CEP162: variants seen among roughly 807,000 people sequenced by gnomAD.
CEP162 encodes centrosomal protein 162, also known as centrosomal protein of 162 kDa.
In CEP162, 141 loss-of-function variants were observed where a neutral mutation model predicts 169.2. The observed-to-expected ratio is 0.83, with a 90% confidence interval of 0.73 to 0.96. The LOEUF is 0.96. CEP162 is among the 40% of genes least tolerant of loss of function. The probability of loss-of-function intolerance (pLI) is 0.00; values close to 1 mark genes in which losing one functional copy is unlikely to be tolerated. For synonymous variants in CEP162, 540 were observed against 526.4 expected (o/e 1.03, Z -0.35); for missense variants, 1,600 against 1,587.2 (o/e 1.01, Z -0.14).
chr6:84,170,984 G>GT (rs2099529890), intron 17 of CEP162, among the ~76,000 whole-genome samples: 1 of 152,176 alleles, frequency 6.6e-6, no homozygotes, highest in Non-Finnish European at 1.5e-5. Flanking sequence ...ACTCCGGCCA[G>GT]TGACTAAGGC....
intron 24 of CEP162, among the ~76,000 whole-genome samples, chr6:84,147,011 G>A (rs1024927034): frequency 1.3e-5 from 2 of 152,210 alleles, no homozygotes; most frequent in South Asian, 4.1e-4. Context: ...CAAAGGAAAA[G>A]AAATTTGTAT....
intron 17 of CEP162, among the ~76,000 whole-genome samples, chr6:84,170,243 G>A (rs922861210): frequency 6.6e-6 from 1 of 151,602 alleles, no homozygotes; most frequent in African/African-American, 2.4e-5. Flanking sequence ...GCATGGTGGC[G>A]GGTGCCTGTA....
chr6:84,216,353 G>T (rs910726681), intron 3 of CEP162, among the ~76,000 whole-genome samples: 2 of 152,038 alleles, frequency 1.3e-5, no homozygotes, highest in African/African-American at 4.8e-5. Flanking sequence ...GGCAAAGTAG[G>T]TACAATTAAA....
intron 1 of CEP162, among the ~76,000 whole-genome samples, chr6:84,227,204 T>G (rs2099556074): frequency 6.6e-6 from 1 of 152,086 alleles, no homozygotes; most frequent in Non-Finnish European, 1.5e-5. Flanking sequence ...GCAGCTCAAA[T>G]CCCAGCTTTC....
At chr6:84,201,139 G>A (rs1273292665) in intron 8 of CEP162, among the ~76,000 whole-genome samples, 3 of 152,262 alleles carry the variant, frequency 2.0e-5, no homozygotes, top group East Asian at 1.9e-4. Context: ...TTAGCCAGGC[G>A]TGGTGGCAGG....
At chr6:84,208,047 G>A (rs2099548001) in intron 6 of CEP162, among the ~76,000 whole-genome samples, 1 of 140,254 alleles carries the variant, frequency 7.1e-6, no homozygotes. Context: ...TGTCTCTACA[G>A]GTATCTCTAC....
At chr6:84,128,158 C>A (rs1351453332) in intron 25 of CEP162, among the ~76,000 whole-genome samples, 1 of 152,142 alleles carries the variant, frequency 6.6e-6, no homozygotes, top group Non-Finnish European at 1.5e-5. Flanking sequence ...ATTAATTAGT[C>A]CATTCACCTT....
chr6:84,173,669 G>T (rs1293103195), intron 16 of CEP162, among the ~76,000 whole-genome samples: 2 of 150,268 alleles, frequency 1.3e-5, no homozygotes, highest in African/African-American at 2.5e-5. Flanking sequence ...AATAAGCAGA[G>T]AAGTATTTTA....
At chr6:84,126,581 A>C in intron 25 of CEP162, 69 bp from the exon 26 acceptor site, 2 of 1,160,538 alleles carry the variant, frequency 1.7e-6, no homozygotes, top group Non-Finnish European at 2.4e-6. Context: ...CTTGAAAATC[A>C]GAATATTTGT....
chr6:84,199,140 G>A (rs2099543368), intron 9 of CEP162, among the ~76,000 whole-genome samples: 1 of 152,152 alleles, frequency 6.6e-6, no homozygotes, highest in Non-Finnish European at 1.5e-5. Context: ...TCTGCCTACT[G>A]AAAACTGTGC....
In CEP162 at chr6:84,215,604, A is replaced by G. The variant is rs1424875955; in HGVS notation, c.320-139T>C. ...ACTCTCACTCACCAAATATGAATTC[A>G]TATTAATAATACGTAAGGTTTAAAG... On this transcript the variant is annotated intron_variant, in intron 4 of 26. Transcript: ENST00000403245. 4.4e-6 allele frequency: 5 copies of G among 1,148,970 alleles called. No individual in the cohort carries two copies. In the East Asian group the frequency reaches 7.9e-5, roughly 18 times the overall value. 71.2% of individuals were successfully genotyped at this position (1,148,970 alleles called of 1,614,324 possible). A position where few individuals can be genotyped will look rare whatever the true frequency, so the allele number is the denominator to read the frequency against.
At chr6:84,184,517 A>G (rs1057465638) in intron 13 of CEP162, among the ~76,000 whole-genome samples, 30 of 152,086 alleles carry the variant, frequency 2.0e-4, no homozygotes, top group African/African-American at 7.2e-4. Context: ...GTCCTCATCT[A>G]TCTTAATCTC....
rs1366337420 is a variant in CEP162 at position 84,163,280 on chromosome 6, C to T, written c.2386-10G>A. ...AACTGTCTTTTTCTTTCTTGATATT[C>T]AAAAGAAATATAAAAGCAAGTTTTT... On this transcript the variant is annotated splice_polypyrimidine_tract_variant and intron_variant, in intron 18 of 26. Coordinates refer to ENST00000403245, the MANE Select transcript of CEP162 (RefSeq NM_014895.4). 12 of 1,591,450 alleles carry T rather than the reference C, an allele frequency of 7.5e-6. No homozygotes were observed. In the South Asian group the frequency reaches 7.9e-5, roughly 10 times the overall value.
At chr6:84,219,283 G>A (rs1157498589) in intron 3 of CEP162, 4 of 592,846 alleles carry the variant, frequency 6.7e-6, no homozygotes, top group Non-Finnish European at 5.7e-6. Flanking sequence ...TATTCCCGTG[G>A]GCAGGGAAAC....
intron 2 of CEP162, among the ~76,000 whole-genome samples, chr6:84,222,614 T>C (rs138533142): frequency 3.1e-4 from 48 of 152,386 alleles, no homozygotes; most frequent in African/African-American, 1.1e-3. Context: ...AGCAACTTGC[T>C]TAAGTTGCTA....
At chr6:84,202,504 TCTTTTCTTTCTTTC>T (rs1330029317) in intron 7 of CEP162, among the ~76,000 whole-genome samples, 1 of 150,720 alleles carries the variant, frequency 6.6e-6, no homozygotes, top group Non-Finnish European at 1.5e-5. Flanking sequence ...ATTTTTCTTT[TCTTTTCTTTCTTTC>T]TTTTTTTTTT....
intron 25 of CEP162, among the ~76,000 whole-genome samples, chr6:84,139,227 C>A (rs1458057090): frequency 2.6e-5 from 4 of 152,200 alleles, no homozygotes; most frequent in Non-Finnish European, 5.9e-5. Flanking sequence ...GAGGAATCTG[C>A]AGTACTCCAT....
chr6:84,137,692 G>A (rs1201516489), intron 25 of CEP162, among the ~76,000 whole-genome samples: 6 of 151,826 alleles, frequency 4.0e-5, no homozygotes, highest in African/African-American at 1.5e-4. Context: ...ACAACTGCAG[G>A]GTGTGAAGAA....
intron 25 of CEP162, among the ~76,000 whole-genome samples, chr6:84,145,485 G>A (rs1223567104): frequency 6.6e-6 from 1 of 152,074 alleles, no homozygotes; most frequent in Non-Finnish European, 1.5e-5. Context: ...ATAGAAATGA[G>A]GGTGACTGCA....
Sources: allele counts gnomAD v4.1 joint callset (sites outside exome capture counted in the v4.1 genomes callset), GRCh38; gene constraint gnomAD v4.1.1; transcripts MANE v1.5; gene names NCBI Gene and HGNC (gene_info 2026-07-23, HGNC 2026-07-21).